Variants in PALM2AKAP2 observed in about 807,000 individuals in gnomAD.
The protein encoded by PALM2AKAP2 is PALM2-AKAP2 fusion protein.
PALM2AKAP2 carries 37 observed loss-of-function variants against 71.5 expected under a neutral mutation model. The observed-to-expected ratio is 0.52, with a 90% CI of 0.40 to 0.68. PALM2AKAP2 has a LOEUF of 0.68. Ranked by LOEUF, PALM2AKAP2 falls within the 30% of genes least tolerant of loss-of-function variation. The probability of loss-of-function intolerance (pLI) is 0.00; values close to 1 mark genes in which losing one functional copy is unlikely to be tolerated. For missense variants in PALM2AKAP2, 1,224 were observed against 1,191.8 expected (o/e 1.03, Z -0.40); for synonymous variants, 468 against 478.8 (o/e 0.98, Z 0.29).
At position 109,820,202 on chromosome 9, in the gene PALM2AKAP2, T is replaced by C. The variant is rs73533245; in HGVS notation, c.45+39669T>C. On this transcript the variant is annotated intron_variant, in intron 1 of 9. Coordinates refer to the PALM2AKAP2 transcript ENST00000302798. ...TAAGTTAGTCAGACTTAGAACTCTT[T>C]GAAATCTAATTTTTGAAAGTTAATT... 3.5e-3 allele frequency among the ~76,000 whole-genome samples: 532 copies of C among 152,364 alleles called. 2 individuals carry two copies. The highest frequency in any genetic ancestry group is 0.012 in the African/African-American group (509 of 41,590).
intron 1 of PALM2AKAP2, among the ~76,000 whole-genome samples, chr9:109,850,481 G>A (rs1002677467): frequency 1.3e-5 from 2 of 152,112 alleles, no homozygotes; most frequent in Non-Finnish European, 1.5e-5. Flanking sequence ...ATGTCCTTGG[G>A]TTGAAAATAG....
chr9:109,920,243 T>C (rs185003477), intron 3 of PALM2AKAP2, among the ~76,000 whole-genome samples: 6 of 152,216 alleles, frequency 3.9e-5, no homozygotes, highest in Non-Finnish European at 8.8e-5. Flanking sequence ...GACTGGGAAG[T>C]GTAACCCATC....
At chr9:110,060,029 A>C (rs1263678004) in intron 1 of PALM2AKAP2, among the ~76,000 whole-genome samples, 3 of 152,184 alleles carry the variant, frequency 2.0e-5, no homozygotes, top group Non-Finnish European at 4.4e-5. Context: ...GGGTGTCTGC[A>C]AGATGGTCTA....
intron 3 of PALM2AKAP2, among the ~76,000 whole-genome samples, chr9:109,922,565 T>A (rs1230557770): frequency 1.3e-5 from 2 of 148,800 alleles, no homozygotes; most frequent in Non-Finnish European, 1.5e-5. Context: ...AAAAAATGAA[T>A]GAATGAGTGA....
intron 1 of PALM2AKAP2, among the ~76,000 whole-genome samples, chr9:109,704,817 A>T (rs527742022): frequency 2.6e-5 from 4 of 152,222 alleles, no homozygotes; most frequent in Admixed American, 6.5e-5. Context: ...CTTGGCTCTC[A>T]CCAGTGCTTG....
intron 1 of PALM2AKAP2, among the ~76,000 whole-genome samples, chr9:109,725,171 G>A (rs899858457): frequency 2.0e-5 from 3 of 152,066 alleles, no homozygotes; most frequent in African/African-American, 7.2e-5. Flanking sequence ...GCCTAGGGTT[G>A]GCAAGAACAT....
intron 6 of PALM2AKAP2, among the ~76,000 whole-genome samples, chr9:109,987,676 G>C (rs1346119060): frequency 1.3e-5 from 2 of 152,150 alleles, no homozygotes; most frequent in African/African-American, 4.8e-5. Flanking sequence ...TCCTGTGGTA[G>C]GGCTGCTATG....
At chr9:109,727,682 A>G (rs1447878517) in intron 1 of PALM2AKAP2, among the ~76,000 whole-genome samples, 1 of 152,252 alleles carries the variant, frequency 6.6e-6, no homozygotes, top group Non-Finnish European at 1.5e-5. Context: ...GAAAGCTTAT[A>G]CTACAACCTC....
At chr9:109,934,982 C>T (rs531471148) in intron 6 of PALM2AKAP2, among the ~76,000 whole-genome samples, 1 of 152,240 alleles carries the variant, frequency 6.6e-6, no homozygotes, top group South Asian at 2.1e-4. Flanking sequence ...AAGAATGTTG[C>T]GGGTTTCATG....
At chr9:109,748,514 C>T (rs73657043) in intron 1 of PALM2AKAP2, among the ~76,000 whole-genome samples, 3,414 of 152,242 alleles carry the variant, frequency 0.022, 139 homozygotes, top group African/African-American at 0.078. Flanking sequence ...TTTTATTCTA[C>T]TTTGATCAAA....
intron 1 of PALM2AKAP2, among the ~76,000 whole-genome samples, chr9:109,856,359 G>C (rs775538128): frequency 2.0e-5 from 3 of 152,242 alleles, no homozygotes; most frequent in Non-Finnish European, 4.4e-5. Flanking sequence ...CCATGCCGTA[G>C]TTGCAAAGAA....
intron 1 of PALM2AKAP2, among the ~76,000 whole-genome samples, chr9:109,696,836 T>C (rs964472506): frequency 6.6e-6 from 1 of 152,144 alleles, no homozygotes; most frequent in Non-Finnish European, 1.5e-5. Flanking sequence ...TGGGAGGTTA[T>C]CCAGACGACC....
At position 109,663,104 on chromosome 9, in the gene PALM2AKAP2, C is replaced by T. The variant is rs183849492; in HGVS notation, c.5+22238C>T. The stretch of plus-strand genomic sequence containing the variant: ...CTTTCTTCTTTATTAGTTTGGCTAG[C>T]GGTCTACCAATTTTGTTGATCTTTT... On this transcript the variant is annotated intron_variant, in intron 1 of 6. Transcript: ENST00000374531. 6.1e-3 allele frequency among the ~76,000 whole-genome samples: 925 copies of T among 152,116 alleles called. 8 individuals are homozygous for T. The highest frequency in any genetic ancestry group is 7.2e-3 in the Non-Finnish European group (491 of 67,966).
intron 1 of PALM2AKAP2, among the ~76,000 whole-genome samples, chr9:109,813,218 T>C (rs2131451863): frequency 6.6e-6 from 1 of 152,224 alleles, no homozygotes; most frequent in East Asian, 1.9e-4. Context: ...CCACAGGAAG[T>C]GAAAGGAAAA....
At chr9:110,000,040 T>C (rs1487741373) in intron 6 of PALM2AKAP2, among the ~76,000 whole-genome samples, 2 of 152,092 alleles carry the variant, frequency 1.3e-5, no homozygotes, top group African/African-American at 2.4e-5. Context: ...CTTTAAGTTT[T>C]AGGGTACATG....
chr9:110,107,633 C>T (rs1835148155), intron 1 of PALM2AKAP2, among the ~76,000 whole-genome samples: 1 of 152,168 alleles, frequency 6.6e-6, no homozygotes, highest in Non-Finnish European at 1.5e-5. Context: ...GTTGTGCCAT[C>T]TCAGCTCACT....
intron 1 of PALM2AKAP2, among the ~76,000 whole-genome samples, chr9:109,855,069 C>T (rs1158462458): frequency 1.4e-5 from 2 of 145,078 alleles, no homozygotes; most frequent in African/African-American, 5.2e-5. Flanking sequence ...TGCCTGGTGC[C>T]CCCCCCTTTT....
At chr9:109,674,255 T>G (rs1359499717) in intron 1 of PALM2AKAP2, among the ~76,000 whole-genome samples, 1 of 152,070 alleles carries the variant, frequency 6.6e-6, no homozygotes, top group Non-Finnish European at 1.5e-5. Flanking sequence ...TATAGATTCC[T>G]TGACATACTT....
intron 1 of PALM2AKAP2, among the ~76,000 whole-genome samples, chr9:110,055,413 T>C (rs1833815078): frequency 6.6e-6 from 1 of 152,118 alleles, no homozygotes; most frequent in African/African-American, 2.4e-5. Flanking sequence ...CAGGCTGGTC[T>C]CAAATTCCTG....
Sources: allele counts gnomAD v4.1 joint callset (sites outside exome capture counted in the v4.1 genomes callset), GRCh38; gene constraint gnomAD v4.1.1; transcripts MANE v1.5; gene names NCBI Gene and HGNC (gene_info 2026-07-23, HGNC 2026-07-21).